Variants in TMEM232 observed in about 807,000 individuals in gnomAD.
TMEM232 encodes transmembrane protein 232.
In TMEM232, 80 loss-of-function variants were observed where a neutral mutation model predicts 78.8. The observed-to-expected ratio is 1.01, with a 90% CI of 0.85 to 1.22. The LOEUF (loss-of-function observed/expected upper bound fraction) is 1.22. Ranked by LOEUF, TMEM232 falls within the 50% of genes most tolerant of loss-of-function variation. The pLI is 0.00. For missense variants in TMEM232, 881 were observed against 742.2 expected, an observed-to-expected ratio of 1.19 and a Z score of -2.17; for synonymous variants, 297 against 254.3, an observed-to-expected ratio of 1.17 and a Z score of -1.60.
chr5:110,568,567 T>C lies in TMEM232; in HGVS notation c.1335A>G (p.Ser445=), dbSNP rs780968369. ...GTTCTTCGTCTCCTTGAAGTTCCCA[T>C]GAAATTTTCACCAGGTTATACACTA... is the stretch of plus-strand genomic sequence containing the variant. The part of the protein sequence containing the change: ...YGLVYNLVKI[S]WELQGDEEQD... Residue 445 remains serine (S), a synonymous_variant, in exon 11 of 14, where the codon TCA becomes TCG. Transcript: ENST00000455884. The C allele has an allele frequency of 5.8e-6, 9 of 1,549,714 alleles. No homozygotes were observed. Among genetic ancestry groups the C allele is most frequent in the African/African-American group, 1.4e-5 (1 of 72,998 alleles).
chr5:110,636,190 C>T (rs908626198), intron 5 of TMEM232, among the ~76,000 whole-genome samples: 2 of 151,810 alleles, frequency 1.3e-5, no homozygotes, highest in Non-Finnish European at 1.5e-5. Context: ...TTCTCACTCA[C>T]GTGTGGAAGC....
chr5:110,396,091 G>A (rs1478027243), intron 3 of TMEM232, among the ~76,000 whole-genome samples: 3 of 152,158 alleles, frequency 2.0e-5, no homozygotes, highest in Non-Finnish European at 2.9e-5. Flanking sequence ...TGGCTGGGGA[G>A]GCCTCAGAAA....
chr5:110,657,425 G>A (rs937105400), intron 2 of TMEM232, among the ~76,000 whole-genome samples: 28 of 151,000 alleles, frequency 1.9e-4, no homozygotes, highest in African/African-American at 6.6e-4. Context: ...ATACTATAAA[G>A]CCATAAAACA....
At position 110,447,375 on chromosome 5, in the gene TMEM232, G is replaced by A. The variant is rs183720039; in HGVS notation, c.1704-22459C>T. Among the ~76,000 whole-genome samples the A allele has an allele frequency of 3.3e-5, 5 of 152,118 alleles. No homozygotes were observed. The East Asian group carries it at 9.7e-4, about 30-fold the overall frequency. The stretch of plus-strand genomic sequence containing the variant: ...CAGGTTAGGCACTGTGGTTATCACT[G>A]TGCCACCTAGCTGCACATCTAAGTA... On this transcript the variant is annotated intron_variant, in intron 12 of 13. Transcript: ENST00000455884.
intron 11 of TMEM232, among the ~76,000 whole-genome samples, chr5:110,546,171 T>C (rs181104832): frequency 2.3e-4 from 35 of 152,068 alleles, no homozygotes; most frequent in South Asian, 6.2e-4. Context: ...TGAACAAATA[T>C]AATAAGAGTT....
intron 2 of TMEM232, among the ~76,000 whole-genome samples, chr5:110,652,294 G>GCGCGCGCGCGCACACACACACA: frequency 6.9e-6 from 1 of 145,452 alleles, no homozygotes; most frequent in African/African-American, 2.6e-5. Flanking sequence ...GCACGCGCGC[G>GCGCGCGCGCGCACACACACACA]CACACACACA....
chr5:110,468,609 T>A (rs923369937), intron 12 of TMEM232, among the ~76,000 whole-genome samples: 5 of 152,108 alleles, frequency 3.3e-5, no homozygotes, highest in Non-Finnish European at 7.4e-5. Context: ...AACCACAATA[T>A]GTCATGATTA....
intron 12 of TMEM232, among the ~76,000 whole-genome samples, chr5:110,466,404 G>T (rs987847626): frequency 6.6e-6 from 1 of 152,032 alleles, no homozygotes; most frequent in East Asian, 1.9e-4. Flanking sequence ...AGAGAATTAG[G>T]TATACAGAAG....
upstream of TMEM232, chr5:110,738,865 CT>C: frequency 3.8e-6 from 3 of 799,214 alleles, no homozygotes; most frequent in Non-Finnish European, 5.7e-6. Flanking sequence ...ATATTCCCAC[CT>C]ATTCCCTAAC....
In TMEM232 at chr5:110,642,324, G is replaced by A. The variant is rs902192585; in HGVS notation, c.173C>T (p.Thr58Ile). 3 of 1,538,592 alleles carry A rather than the reference G, an allele frequency of 1.9e-6. No homozygotes were observed. In the African/African-American group the frequency reaches 4.2e-5, roughly 21 times the overall value. ...TTCTTCCTTCTCTTTGGAATTTTGTGTTTGATTGAATCTCAAGATGAATTC... is the reference window on the plus strand; with the variant it reads ...TTCTTCCTTCTCTTTGGAATTTTGTATTTGATTGAATCTCAAGATGAATTC... ...TKEFILRFNQ[T>I]QNSKEKEELL... The change falls in exon 3 of 14, where the codon ACA becomes ATA. Residue 58 changes from threonine (T) to isoleucine (I), a missense_variant. Transcript: ENST00000455884.
At chr5:110,679,033 C>A (rs1792381491) in intron 1 of TMEM232, among the ~76,000 whole-genome samples, 1 of 152,270 alleles carries the variant, frequency 6.6e-6, no homozygotes, top group South Asian at 2.1e-4. Flanking sequence ...TGGTAAGTAA[C>A]AAGCAGCATG....
intron 1 of TMEM232, among the ~76,000 whole-genome samples, chr5:110,711,186 C>T (rs1196436736): frequency 6.6e-6 from 1 of 151,960 alleles, no homozygotes; most frequent in Non-Finnish European, 1.5e-5. Flanking sequence ...AAATTAAATA[C>T]CTAGGTATTA....
At chr5:110,460,946 T>C (rs1761457723) in intron 12 of TMEM232, among the ~76,000 whole-genome samples, 1 of 152,152 alleles carries the variant, frequency 6.6e-6, no homozygotes, top group African/African-American at 2.4e-5. Context: ...ACTGCTCAAC[T>C]GACCAGTTTT....
intron 11 of TMEM232, among the ~76,000 whole-genome samples, chr5:110,544,441 C>CAAAAAAAA (rs575755362): frequency 1.3e-5 from 1 of 75,780 alleles, no homozygotes; most frequent in African/African-American, 3.6e-5. Context: ...ACACACATAT[C>CAAAAAAAA]AAAAAAAAAA....
In TMEM232 at chr5:110,726,644, C is replaced by A. The variant is rs964776761; in HGVS notation, c.-30G>T. On this transcript the variant is annotated 5_prime_UTR_variant, in exon 1 of 14. Coordinates refer to ENST00000455884, the MANE Select transcript of TMEM232 (RefSeq NM_001039763.4). ...TCACTCACCGCTGCGCTCTGAGCCG[C>A]TGGGAACCAAGGCTGGTTGCTAAGG... 1 of 152,226 alleles carries A rather than the reference C, an allele frequency of 6.6e-6. No individual in the cohort carries two copies. The highest frequency in any genetic ancestry group is 1.5e-5 in the Non-Finnish European group (1 of 68,066). The allele number at this position is 152,226 out of a possible 1,614,324, so 9.4% of individuals were successfully genotyped here.
intron 12 of TMEM232, among the ~76,000 whole-genome samples, chr5:110,440,611 A>G (rs538875092): frequency 7.1e-4 from 108 of 152,294 alleles, no homozygotes; most frequent in Middle Eastern, 3.4e-3. Flanking sequence ...CTCAATTTGA[A>G]GAAGAGAATA....
intron 13 of TMEM232, among the ~76,000 whole-genome samples, chr5:110,422,367 A>C (rs537104128): frequency 1.4e-4 from 21 of 151,708 alleles, no homozygotes; most frequent in African/African-American, 3.6e-4. Flanking sequence ...AAATACAAAA[A>C]AAATTAGCCG....
intron 3 of TMEM232, among the ~76,000 whole-genome samples, chr5:110,396,995 T>C (rs1755413687): frequency 6.6e-6 from 1 of 152,156 alleles, no homozygotes; most frequent in Non-Finnish European, 1.5e-5. Flanking sequence ...GACAACTCTT[T>C]ATCTCTGATT....
chr5:110,652,695 A>G (rs190411689), intron 2 of TMEM232, among the ~76,000 whole-genome samples: 1 of 152,340 alleles, frequency 6.6e-6, no homozygotes, highest in East Asian at 1.9e-4. Context: ...CACAATAGAC[A>G]TTATTGTAAA....
Sources: allele counts gnomAD v4.1 joint callset (sites outside exome capture counted in the v4.1 genomes callset), GRCh38; gene constraint gnomAD v4.1.1; transcripts MANE v1.5; gene names NCBI Gene and HGNC (gene_info 2026-07-23, HGNC 2026-07-21).